SLIT3: variants seen among roughly 807,000 people sequenced by gnomAD.
SLIT3 encodes slit guidance ligand 3.
SLIT3 carries 68 observed loss-of-function variants against 184.0 expected under a neutral mutation model. The observed-to-expected ratio is 0.37, with a 90% CI of 0.30 to 0.45. SLIT3 has a LOEUF of 0.45. Among genes scored for constraint, SLIT3 ranks in the 20% least tolerant of loss-of-function variants. The probability of loss-of-function intolerance (pLI) is 1.00; values close to 1 mark genes in which losing one functional copy is unlikely to be tolerated. For synonymous variants in SLIT3, 831 were observed against 828.6 expected (o/e 1.00, Z -0.05); for missense variants, 1,707 against 2,026.0 (o/e 0.84, Z 3.02).
intron 4 of SLIT3, among the ~76,000 whole-genome samples, chr5:169,105,658 T>A (rs1477902337): frequency 6.6e-6 from 1 of 152,184 alleles, no homozygotes; most frequent in Non-Finnish European, 1.5e-5. Flanking sequence ...AGATCAAGAT[T>A]CATCTGTTCT....
chr5:168,755,389 A>ATTTATTTCTCTTTC (rs1213373035), intron 16 of SLIT3, among the ~76,000 whole-genome samples: 1 of 133,640 alleles, frequency 7.5e-6, no homozygotes, highest in Admixed American at 7.9e-5. Flanking sequence ...CAGTGCCGCC[A>ATTTATTTCTCTTTC]TTTCTTTCTT....
At chr5:169,021,549 C>T (rs1366069467) in intron 4 of SLIT3, among the ~76,000 whole-genome samples, 1 of 152,060 alleles carries the variant, frequency 6.6e-6, no homozygotes, top group Non-Finnish European at 1.5e-5. Flanking sequence ...CGGGGTTTCA[C>T]CATGTTGGCC....
chr5:168,745,794 G>GA (rs59028752), intron 20 of SLIT3, among the ~76,000 whole-genome samples: 67,313 of 151,934 alleles, frequency 0.44, 15,533 homozygotes, highest in East Asian at 0.56. Context: ...CTTTCATGAA[G>GA]AAGACTCCAT....
intron 4 of SLIT3, among the ~76,000 whole-genome samples, chr5:168,929,862 G>A (rs564519167): frequency 1.3e-5 from 2 of 152,346 alleles, no homozygotes; most frequent in Non-Finnish European, 2.9e-5. Flanking sequence ...AGCAGAGGAG[G>A]CGGGTGTTTC....
At chr5:169,152,365 C>G (rs771529191) in intron 4 of SLIT3, among the ~76,000 whole-genome samples, 1 of 152,198 alleles carries the variant, frequency 6.6e-6, no homozygotes, top group East Asian at 1.9e-4. Flanking sequence ...CCTGCTGATC[C>G]CTCAGCTTCT....
At chr5:169,130,452 T>C (rs983131624) in intron 4 of SLIT3, among the ~76,000 whole-genome samples, 98 of 152,146 alleles carry the variant, frequency 6.4e-4, no homozygotes, top group African/African-American at 2.1e-3. Context: ...CCCAGGTAAG[T>C]CACTTAAATT....
Position 168,690,602 on chromosome 5 carries a change from G to C in SLIT3, c.3176+2005C>G, listed in dbSNP as rs78731286. On this transcript the variant is annotated intron_variant, in intron 29 of 35. Transcript: ENST00000519560. ...CTCACAGTATCCCATACTTCGTAAA[G>C]ATCAGCAGTGAACTGAAGTCAAATC... Among the ~76,000 whole-genome samples the C allele has an allele frequency of 3.4e-3, 524 of 152,266 alleles. 3 individuals are homozygous for C. Among genetic ancestry groups the C allele is most frequent in the African/African-American group, 0.012 (486 of 41,530 alleles).
chr5:168,686,019 G>T, intron 30 of SLIT3, 92 bp from the exon 31 acceptor site: 1 of 1,389,726 alleles, frequency 7.2e-7, no homozygotes, highest in Non-Finnish European at 9.5e-7. Context: ...CGAGCAGAGA[G>T]GTAGAGTGAG....
intron 1 of SLIT3, among the ~76,000 whole-genome samples, chr5:169,270,654 G>A (rs971789751): frequency 2.6e-5 from 4 of 151,996 alleles, no homozygotes; most frequent in Non-Finnish European, 4.4e-5. Flanking sequence ...TGATCTAGGC[G>A]CTTATATAGT....
chr5:169,152,922 G>C (rs1223314698), intron 4 of SLIT3, among the ~76,000 whole-genome samples: 1 of 152,112 alleles, frequency 6.6e-6, no homozygotes, highest in Admixed American at 6.5e-5. Context: ...CCCCAAATTA[G>C]GTATAGCCTG....
intron 4 of SLIT3, among the ~76,000 whole-genome samples, chr5:169,132,547 G>A (rs1249188062): frequency 1.3e-5 from 2 of 152,100 alleles, no homozygotes; most frequent in African/African-American, 4.8e-5. Flanking sequence ...CAAATTCCTG[G>A]GCCAGAGGGT....
At chr5:168,851,806 C>A (rs1395371612) in intron 5 of SLIT3, among the ~76,000 whole-genome samples, 1 of 152,188 alleles carries the variant, frequency 6.6e-6, no homozygotes, top group Non-Finnish European at 1.5e-5. Context: ...TAGATTTATT[C>A]TTGGCATTTC....
At chr5:168,925,909 G>A (rs570637708) in intron 4 of SLIT3, among the ~76,000 whole-genome samples, 11 of 152,168 alleles carry the variant, frequency 7.2e-5, no homozygotes, top group South Asian at 2.1e-4. Context: ...GAGAGTCAAC[G>A]GACAAGGGAT....
At chr5:169,218,566 T>C (rs1262615171) in intron 3 of SLIT3, among the ~76,000 whole-genome samples, 1 of 152,230 alleles carries the variant, frequency 6.6e-6, no homozygotes, top group Non-Finnish European at 1.5e-5. Flanking sequence ...GCTCTGCAGC[T>C]AGATTGCCTA....
At chr5:168,922,865 A>G (rs1761685436) in intron 4 of SLIT3, among the ~76,000 whole-genome samples, 1 of 152,230 alleles carries the variant, frequency 6.6e-6, no homozygotes, top group African/African-American at 2.4e-5. Flanking sequence ...GCTGCATGCT[A>G]GGTGAACTCT....
intron 4 of SLIT3, among the ~76,000 whole-genome samples, chr5:168,954,837 G>T (rs1038748594): frequency 3.3e-5 from 5 of 152,248 alleles, no homozygotes; most frequent in African/African-American, 1.2e-4. Context: ...TTGAGAGAAT[G>T]CAGGTCACAG....
intron 4 of SLIT3, among the ~76,000 whole-genome samples, chr5:169,125,560 C>G (rs963262060): frequency 9.2e-5 from 14 of 152,300 alleles, no homozygotes; most frequent in African/African-American, 3.4e-4. Flanking sequence ...TCCCACTGGT[C>G]ACTCGGCCTT....
At chr5:168,774,160 G>C in intron 13 of SLIT3, 75 bp downstream of exon 13, 1 of 1,406,568 alleles carries the variant, frequency 7.1e-7, no homozygotes. Flanking sequence ...GCCCTCATTT[G>C]GGTGTTTTTC....
chr5:168,712,175 G>A (rs2113326283), intron 24 of SLIT3, 108 bp downstream of exon 24: 1 of 892,702 alleles, frequency 1.1e-6, no homozygotes, highest in East Asian at 2.4e-5. Context: ...TATACTGTAT[G>A]CATAAGGAAA....
Sources: gnomAD v4.1 joint callset for allele counts (sites outside exome capture counted in the v4.1 genomes callset) on GRCh38, gnomAD v4.1.1 for gene constraint, MANE v1.5 for transcripts, NCBI Gene and HGNC (gene_info 2026-07-23, HGNC 2026-07-21) for gene names.